CD2AP: variants seen among roughly 807,000 people sequenced by gnomAD.
The protein encoded by CD2AP is CD2-associated protein.
In CD2AP, 46 loss-of-function variants were observed where a neutral mutation model predicts 85.1. The observed-to-expected ratio is 0.54, with a 90% CI of 0.43 to 0.69. The LOEUF is 0.69. CD2AP is among the 30% of genes least tolerant of loss of function. CD2AP has a pLI of 0.00. For missense variants in CD2AP, 769 were observed against 729.5 expected (o/e 1.05, Z -0.62); for synonymous variants, 255 against 252.9 (o/e 1.01, Z -0.08).
At chr6:47,533,569 A>T (rs1318797714) in intron 2 of CD2AP, 33 bp from the exon 3 acceptor site, 2 of 1,602,334 alleles carry the variant, frequency 1.2e-6, no homozygotes, top group Admixed American at 1.7e-5. Flanking sequence ...AATATAACTT[A>T]ACTTGCCTCT....
At chr6:47,562,734 T>A in intron 5 of CD2AP, 1 of 791,362 alleles carries the variant, frequency 1.3e-6, no homozygotes, top group Non-Finnish European at 2.2e-6. Flanking sequence ...TTTGTGAAGC[T>A]GGCCAAGCCT....
intron 3 of CD2AP, among the ~76,000 whole-genome samples, chr6:47,540,332 G>T (rs900386187): frequency 6.6e-6 from 1 of 151,348 alleles, no homozygotes; most frequent in African/African-American, 2.4e-5. Context: ...TATTGACTTT[G>T]TGCAGTTTGA....
At chr6:47,589,495 CAT>C (rs1049328392) in intron 11 of CD2AP, among the ~76,000 whole-genome samples, 8 of 147,766 alleles carry the variant, frequency 5.4e-5, no homozygotes, top group African/African-American at 7.5e-5. Context: ...TGTATGTGCA[CAT>C]ATATATACAC....
chr6:47,503,923 G>A lies in CD2AP; in HGVS notation c.165+483G>A, dbSNP rs189499365. On this transcript the variant is annotated intron_variant, in intron 2 of 17. Transcript: ENST00000359314. Reference sequence around the variant, plus strand: ...AACTGAAGTCTGGGACAGTTGCCTCGCTGGTCTTCTCATTATATTTTGTTG... The same window carrying A: ...AACTGAAGTCTGGGACAGTTGCCTCACTGGTCTTCTCATTATATTTTGTTG... 9.2e-5 allele frequency among the ~76,000 whole-genome samples: 14 copies of A among 152,234 alleles called. 1 individual carries two copies. The Middle Eastern group carries it at 0.01, about 111-fold the overall frequency.
At chr6:47,599,976 T>A (rs576062130) in intron 13 of CD2AP, among the ~76,000 whole-genome samples, 1 of 73,508 alleles carries the variant, frequency 1.4e-5, no homozygotes, top group Non-Finnish European at 4.1e-5. Context: ...GTACTTCCTG[T>A]TTTTTTTTTA....
At chr6:47,564,303 G>A (rs912593126) in intron 5 of CD2AP, among the ~76,000 whole-genome samples, 1 of 151,920 alleles carries the variant, frequency 6.6e-6, no homozygotes, top group African/African-American at 2.4e-5. Flanking sequence ...AAAATTTGGT[G>A]TAAATTAAAG....
chr6:47,535,802 C>T (rs1256855246), intron 3 of CD2AP, among the ~76,000 whole-genome samples: 2 of 152,094 alleles, frequency 1.3e-5, no homozygotes, highest in Admixed American at 6.5e-5. Flanking sequence ...AATTTTTAGG[C>T]CCACGGGAGG....
chr6:47,620,785 T>A (rs1769721005), intron 17 of CD2AP, among the ~76,000 whole-genome samples: 1 of 152,160 alleles, frequency 6.6e-6, no homozygotes, highest in Non-Finnish European at 1.5e-5. Context: ...TATTCCTAAG[T>A]ATTTTATTTT....
Position 47,577,322 on chromosome 6 carries a change from C to T in CD2AP, c.903+219C>T, listed in dbSNP as rs978448. ...TATTGACTATATTTGTTGTAATTTA[C>T]ATATTGGGAATTATTGTTAACCATC... is the stretch of plus-strand genomic sequence containing the variant. On this transcript the variant is annotated intron_variant, in intron 8 of 17. Transcript: ENST00000359314. Among the ~76,000 whole-genome samples the T allele has an allele frequency of 0.6, 91,789 of 151,868 alleles. 28,549 individuals are homozygous for T. The highest frequency in any genetic ancestry group is 0.74 in the Middle Eastern group (218 of 294).
intron 4 of CD2AP, among the ~76,000 whole-genome samples, chr6:47,554,270 T>C (rs372843024): frequency 5.3e-5 from 8 of 152,234 alleles, no homozygotes; most frequent in African/African-American, 1.9e-4. Context: ...CCAAATACTT[T>C]AAATAATATA....
intron 2 of CD2AP, among the ~76,000 whole-genome samples, chr6:47,523,875 G>T (rs927369252): frequency 6.6e-6 from 1 of 152,142 alleles, no homozygotes; most frequent in Non-Finnish European, 1.5e-5. Context: ...CATAGTATAT[G>T]TTGAAACAAA....
chr6:47,488,723 C>CAAAA (rs57570487), intron 1 of CD2AP, among the ~76,000 whole-genome samples: 1 of 133,760 alleles, frequency 7.5e-6, no homozygotes, highest in Non-Finnish European at 1.6e-5. Flanking sequence ...TCCATCTCTC[C>CAAAA]AAAAAAAAAA....
chr6:47,554,782 A>C lies in CD2AP; in HGVS notation c.541+16A>C. ...GACGATTCAGGTAGACTATTTTTTA[A>C]AATTTTTAATTGATTTAAATAAACT... On this transcript the variant is annotated intron_variant, in intron 5 of 17. Coordinates refer to ENST00000359314, the MANE Select transcript of CD2AP (RefSeq NM_012120.3). The C allele has an allele frequency of 6.3e-7, 1 of 1,589,754 alleles. No homozygotes were observed. Among genetic ancestry groups the C allele is most frequent in the Non-Finnish European group, 8.6e-7 (1 of 1,166,272 alleles).
intron 17 of CD2AP, among the ~76,000 whole-genome samples, chr6:47,615,049 C>T (rs1405579304): frequency 1.3e-5 from 2 of 152,102 alleles, no homozygotes; most frequent in Admixed American, 6.6e-5. Flanking sequence ...AGAGACTCTT[C>T]CCATTGTTTA....
In CD2AP at chr6:47,503,308, T is replaced by A. The variant is rs1766046238; in HGVS notation, c.33T>A (p.Asp11Glu). MVDYIVEYDY[D>E]AVHDDELTIR... ...ACTATATTGTGGAGTATGACTATGATGCTGTACATGATGATGAATTAACTA... is the reference window on the plus strand; with the variant it reads ...ACTATATTGTGGAGTATGACTATGAAGCTGTACATGATGATGAATTAACTA... Residue 11 changes from aspartate to glutamate, a missense_variant, in exon 2 of 18, where the codon GAT (aspartate) becomes GAA (glutamate). Transcript: ENST00000359314. The A allele has an allele frequency of 6.2e-7, 1 of 1,613,734 alleles. No homozygotes were observed. Among genetic ancestry groups the A allele is most frequent in the African/African-American group, 1.3e-5 (1 of 74,886 alleles).
At chr6:47,601,752 C>T (rs551782945) in intron 13 of CD2AP, among the ~76,000 whole-genome samples, 3 of 151,952 alleles carry the variant, frequency 2.0e-5, no homozygotes, top group Admixed American at 2.0e-4. Flanking sequence ...GTGAAACTAG[C>T]CTTTTTAATA....
intron 14 of CD2AP, among the ~76,000 whole-genome samples, chr6:47,607,589 G>T (rs1033666703): frequency 2.0e-5 from 3 of 152,030 alleles, no homozygotes; most frequent in African/African-American, 7.2e-5. Context: ...TTGTCCTCAT[G>T]TCTAAATGTA....
chr6:47,491,265 G>A (rs1181965736), intron 1 of CD2AP, among the ~76,000 whole-genome samples: 1 of 101,266 alleles, frequency 9.9e-6, no homozygotes, highest in Non-Finnish European at 2.1e-5. Context: ...TGATATGTGT[G>A]TGTGTATGTG....
rs1768460346 is a variant in CD2AP at position 47,580,899 on chromosome 6, A to G, written c.1044A>G (p.Pro348=). The G allele has an allele frequency of 2.5e-6, 4 of 1,600,102 alleles. No homozygotes were observed. In the South Asian group the frequency reaches 3.3e-5, roughly 13 times the overall value. The part of the protein sequence containing the change: ...PKKPPPPAKA[P]APKPELIAAE... The stretch of plus-strand genomic sequence containing the variant: ...AACCACCACCTCCTGCTAAGGCTCC[A>G]GGTATGTAAGAAGCATATTATTCAG... Residue 348 remains proline, a splice_region_variant and synonymous_variant, in exon 10 of 18, where the codon CCA becomes CCG. Transcript: ENST00000359314.
Sources: allele counts gnomAD v4.1 joint callset (sites outside exome capture counted in the v4.1 genomes callset), GRCh38; gene constraint gnomAD v4.1.1; transcripts MANE v1.5; gene names NCBI Gene and HGNC (gene_info 2026-07-23, HGNC 2026-07-21).